ARIH1: variants seen among roughly 807,000 people sequenced by gnomAD.
ARIH1 encodes ariadne RBR E3 ubiquitin protein ligase 1.
In ARIH1, 8 loss-of-function variants were observed where a neutral mutation model predicts 85.0. The observed-to-expected ratio is 0.09, with a 90% CI of 0.06 to 0.17. The LOEUF (loss-of-function observed/expected upper bound fraction) is 0.17. ARIH1 is among the 10% of genes least tolerant of loss of function. ARIH1 has a pLI of 1.00. For synonymous variants in ARIH1, 238 were observed against 253.6 expected, an observed-to-expected ratio of 0.94 and a Z score of 0.59; for missense variants, 311 against 718.1, an observed-to-expected ratio of 0.43 and a Z score of 6.48.
chr15:72,583,196 C>A lies in ARIH1; in HGVS notation c.1590-12C>A, dbSNP rs747096561. ...TGACAACAAGTTTTTTTTTTTTTCTCTTTGATTACAGATACTGTGAGAGTC... is the reference window on the plus strand; with the variant it reads ...TGACAACAAGTTTTTTTTTTTTTCTATTTGATTACAGATACTGTGAGAGTC... On this transcript the variant is annotated splice_polypyrimidine_tract_variant and intron_variant, in intron 13 of 13. Coordinates refer to ENST00000379887, the MANE Select transcript of ARIH1 (RefSeq NM_005744.5). 2 of 1,490,774 alleles carry A rather than the reference C, an allele frequency of 1.3e-6. No homozygotes were observed. Among genetic ancestry groups the A allele is most frequent in the Non-Finnish European group, 1.8e-6 (2 of 1,112,888 alleles). The allele number at this position is 1,490,774 out of a possible 1,614,324, so 92.3% of individuals were successfully genotyped here.
chr15:72,546,407 A>C (rs2064129038), intron 3 of ARIH1, among the ~76,000 whole-genome samples: 1 of 152,196 alleles, frequency 6.6e-6, no homozygotes, highest in Admixed American at 6.5e-5. Flanking sequence ...CTGAATTTTC[A>C]AATTCTCAAG....
intron 1 of ARIH1, among the ~76,000 whole-genome samples, chr15:72,511,390 G>A (rs969560547): frequency 2.0e-5 from 3 of 151,942 alleles, no homozygotes; most frequent in South Asian, 2.1e-4. Flanking sequence ...TGTAACCTCC[G>A]CTTCCCGGGT....
intron 1 of ARIH1, among the ~76,000 whole-genome samples, chr15:72,504,339 C>T (rs1179089768): frequency 6.6e-6 from 1 of 152,126 alleles, no homozygotes; most frequent in African/African-American, 2.4e-5. Flanking sequence ...ACAGTGTGAG[C>T]CACCGCACCC....
At chr15:72,568,988 A>G (rs1438389474) in intron 9 of ARIH1, among the ~76,000 whole-genome samples, 3 of 152,190 alleles carry the variant, frequency 2.0e-5, no homozygotes, top group Admixed American at 1.3e-4. Context: ...CCTACAGAGC[A>G]GTAATTTTGG....
At position 72,594,149 on chromosome 15, in the gene ARIH1, A is replaced by C. The variant is rs1038542580; in HGVS notation, c.*10857A>C. On this transcript the variant is annotated 3_prime_UTR_variant, in exon 14 of 14. Transcript: ENST00000379887. Reference sequence around the variant, plus strand: ...GCATTTGATTTTTAAAATATTTTTGATTTTCTTTTCTTTTTCTTTTTTTCT... The same window carrying C: ...GCATTTGATTTTTAAAATATTTTTGCTTTTCTTTTCTTTTTCTTTTTTTCT... 2.0e-5 allele frequency: 3 copies of C among 146,416 alleles called. No individual in the cohort carries two copies. The highest frequency in any genetic ancestry group is 7.5e-5 in the African/African-American group (3 of 39,766). 9.1% of individuals were successfully genotyped at this position (146,416 alleles called of 1,614,324 possible).
intron 2 of ARIH1, among the ~76,000 whole-genome samples, chr15:72,537,683 T>C (rs1283021468): frequency 3.9e-5 from 6 of 152,198 alleles, no homozygotes; most frequent in South Asian, 4.1e-4. Flanking sequence ...AAAAATTACA[T>C]CATTAACAGG....
chr15:72,579,234 G>A (rs188476716), intron 11 of ARIH1, among the ~76,000 whole-genome samples: 188 of 151,928 alleles, frequency 1.2e-3, no homozygotes, highest in Non-Finnish European at 1.9e-3. Context: ...AAACTAGATC[G>A]TGTTGTCCTG....
intron 1 of ARIH1, among the ~76,000 whole-genome samples, chr15:72,481,639 T>C (rs932943532): frequency 6.6e-6 from 1 of 151,956 alleles, no homozygotes; most frequent in Non-Finnish European, 1.5e-5. Flanking sequence ...TGAGCTGAGA[T>C]AGTGTCACTG....
At chr15:72,518,200 C>A (rs1234726845) in intron 2 of ARIH1, 66 bp downstream of exon 2, 27 of 1,342,960 alleles carry the variant, frequency 2.0e-5, no homozygotes, top group Non-Finnish European at 2.6e-5. Context: ...ACCGAATTTA[C>A]AAGAATCAAG....
In ARIH1 at chr15:72,536,920, A is replaced by G. The variant is rs2064084513; in HGVS notation, c.444-7900A>G. On this transcript the variant is annotated intron_variant, in intron 2 of 13. Transcript: ENST00000379887. ...TGCCTTTTTAAAAAAAATTAGGCTA[A>G]TAAGAAAAATCTTATGGCCTCAAAA... 2.0e-5 allele frequency among the ~76,000 whole-genome samples: 3 copies of G among 152,154 alleles called. No homozygotes were observed. The South Asian group carries it at 6.2e-4, about 32-fold the overall frequency.
intron 1 of ARIH1, among the ~76,000 whole-genome samples, chr15:72,501,982 A>G (rs2063905840): frequency 6.6e-6 from 1 of 152,216 alleles, no homozygotes; most frequent in Non-Finnish European, 1.5e-5. Flanking sequence ...ATAAAAGTTT[A>G]AAAACTAGGG....
intron 2 of ARIH1, among the ~76,000 whole-genome samples, chr15:72,531,594 G>A (rs571794936): frequency 6.6e-6 from 1 of 152,168 alleles, no homozygotes; most frequent in East Asian, 1.9e-4. Flanking sequence ...AAACATCTTA[G>A]TAAAACTACA....
At chr15:72,530,136 GA>G (rs1451385266) in intron 2 of ARIH1, among the ~76,000 whole-genome samples, 22 of 152,298 alleles carry the variant, frequency 1.4e-4, no homozygotes, top group African/African-American at 5.1e-4. Context: ...GAGACTCTGG[GA>G]AACTTCTGGT....
intron 3 of ARIH1, among the ~76,000 whole-genome samples, chr15:72,549,882 T>C (rs1266783998): frequency 6.6e-6 from 1 of 152,110 alleles, no homozygotes; most frequent in African/African-American, 2.4e-5. Context: ...CAGGGATAAG[T>C]TTAGTGAATA....
At chr15:72,479,940 T>C (rs942782342) in intron 1 of ARIH1, among the ~76,000 whole-genome samples, 1 of 151,742 alleles carries the variant, frequency 6.6e-6, no homozygotes, top group African/African-American at 2.4e-5. Flanking sequence ...CGATCTCGGC[T>C]CACCGCAAGC....
At chr15:72,528,561 A>G (rs1364349507) in intron 2 of ARIH1, among the ~76,000 whole-genome samples, 1 of 152,226 alleles carries the variant, frequency 6.6e-6, no homozygotes, top group Non-Finnish European at 1.5e-5. Context: ...TTTCCTGTTT[A>G]AACAATCCAC....
At chr15:72,506,361 A>AAAAAAAAAAAAAG (rs1216864675) in intron 1 of ARIH1, among the ~76,000 whole-genome samples, 3 of 148,848 alleles carry the variant, frequency 2.0e-5, no homozygotes, top group African/African-American at 7.4e-5. Context: ...CAAAAAAAAA[A>AAAAAAAAAAAAAG]AAAAGAAAAA....
intron 2 of ARIH1, among the ~76,000 whole-genome samples, chr15:72,540,394 G>A (rs569469249): frequency 6.6e-6 from 1 of 151,806 alleles, no homozygotes; most frequent in Non-Finnish European, 1.5e-5. Flanking sequence ...ATTAAGAAAT[G>A]TATTTAAGTA....
chr15:72,485,680 C>G (rs2063834896), intron 1 of ARIH1, among the ~76,000 whole-genome samples: 1 of 152,088 alleles, frequency 6.6e-6, no homozygotes, highest in African/African-American at 2.4e-5. Flanking sequence ...AATCAACCCC[C>G]CTTTCCTCAG....
Sources: allele counts gnomAD v4.1 joint callset (sites outside exome capture counted in the v4.1 genomes callset), GRCh38; gene constraint gnomAD v4.1.1; transcripts MANE v1.5; gene names NCBI Gene and HGNC (gene_info 2026-07-23, HGNC 2026-07-21).